Variants in ZNF148 observed in about 807,000 individuals in gnomAD.
ZNF148 encodes the protein zinc finger protein 148, also known as Beta-Enolase Repressor Factor-1.
In ZNF148, 7 loss-of-function variants were observed where a neutral mutation model predicts 67.7. That is an observed-to-expected ratio of 0.10 (90% CI 0.06 to 0.19). The LOEUF is 0.19. Ranked by LOEUF, ZNF148 falls within the 10% of genes least tolerant of loss-of-function variation. The pLI is 1.00. For missense variants in ZNF148, 583 were observed against 947.1 expected (o/e 0.62, Z 5.05); for synonymous variants, 333 against 330.7 (o/e 1.01, Z -0.08).
At chr3:125,347,838 C>A (rs1424411783) in intron 1 of ZNF148, among the ~76,000 whole-genome samples, 1 of 152,000 alleles carries the variant, frequency 6.6e-6, no homozygotes. Context: ...GCTAAGTCAA[C>A]CAATTTTTTG....
intron 7 of ZNF148, among the ~76,000 whole-genome samples, chr3:125,258,445 A>AAG (rs869187911): frequency 0.011 from 1,552 of 144,216 alleles, 20 homozygotes; most frequent in Non-Finnish European, 0.013. Flanking sequence ...AAAAAAAAAA[A>AAG]GGGGGATAGC....
chr3:125,326,735 C>A (rs1409573964), intron 2 of ZNF148, among the ~76,000 whole-genome samples: 1 of 131,282 alleles, frequency 7.6e-6, no homozygotes, highest in Admixed American at 7.4e-5. Flanking sequence ...TATAAATATA[C>A]ATATTTATAT....
intron 2 of ZNF148, among the ~76,000 whole-genome samples, chr3:125,330,465 C>CAAAAAAAAAAAAA (rs200643048): frequency 6.8e-5 from 8 of 118,478 alleles, no homozygotes; most frequent in African/African-American, 3.3e-4. Context: ...AACCCTATCT[C>CAAAAAAAAAAAAA]AAAAAAAAAA....
At chr3:125,366,637 A>G (rs1942712203) in intron 1 of ZNF148, among the ~76,000 whole-genome samples, 1 of 152,184 alleles carries the variant, frequency 6.6e-6, no homozygotes, top group African/African-American at 2.4e-5. Flanking sequence ...TTACCCACAC[A>G]CAAACATTCA....
At chr3:125,271,642 T>C (rs1373763014) in intron 7 of ZNF148, among the ~76,000 whole-genome samples, 1 of 152,204 alleles carries the variant, frequency 6.6e-6, no homozygotes, top group Non-Finnish European at 1.5e-5. Context: ...AAAACAGGAA[T>C]ACCAGTACCC....
chr3:125,261,422 T>G (rs2107573181), intron 7 of ZNF148, among the ~76,000 whole-genome samples: 1 of 152,202 alleles, frequency 6.6e-6, no homozygotes, highest in East Asian at 1.9e-4. Context: ...TAAATTTACT[T>G]ATGGCTGTAA....
At chr3:125,369,261 C>CCA (rs1360206822) in intron 1 of ZNF148, among the ~76,000 whole-genome samples, 9 of 12,894 alleles carry the variant, frequency 7.0e-4, no homozygotes, top group Non-Finnish European at 9.5e-4. Context: ...GATCCTGCCT[C>CCA]AAAAAAAAAA....
At chr3:125,265,056 A>G (rs1937505405) in intron 7 of ZNF148, among the ~76,000 whole-genome samples, 2 of 152,272 alleles carry the variant, frequency 1.3e-5, no homozygotes, top group African/African-American at 4.8e-5. Flanking sequence ...TTCCAAGAAC[A>G]GCTTTCGAAT....
intron 1 of ZNF148, chr3:125,344,312 T>C (rs1054045034): frequency 1.4e-5 from 7 of 504,694 alleles, no homozygotes; most frequent in Non-Finnish European, 2.2e-5. Flanking sequence ...CCTAGTGACC[T>C]GAATGAAACA....
intron 4 of ZNF148, among the ~76,000 whole-genome samples, chr3:125,311,856 C>T (rs1020766017): frequency 1.3e-5 from 2 of 152,028 alleles, no homozygotes; most frequent in African/African-American, 2.4e-5. Flanking sequence ...CAAAATAGAC[C>T]AATTCCTTGG....
chr3:125,307,575 G>A (rs1055926148), intron 4 of ZNF148, among the ~76,000 whole-genome samples: 6 of 152,074 alleles, frequency 3.9e-5, no homozygotes, highest in Admixed American at 6.5e-5. Context: ...AACCACTCAC[G>A]TTTTTTAAAC....
Position 125,232,324 on chromosome 3 carries a change from A to G in ZNF148, c.*17T>C. 6.6e-7 allele frequency: 1 copy of G among 1,517,324 alleles called. No homozygotes were observed. The highest frequency in any genetic ancestry group is 8.8e-7 in the Non-Finnish European group (1 of 1,133,604). The allele number at this position is 1,517,324 out of a possible 1,614,324, so 94.0% of individuals were successfully genotyped here. A position where few individuals can be genotyped will look rare whatever the true frequency, so the allele number is the denominator to read the frequency against. ...CTGTTCTAAAGTGCCAGTATTATTT[A>G]CACTTTTTTTTTTTTTTTAGCCAAA... is the stretch of plus-strand genomic sequence containing the variant. On this transcript the variant is annotated 3_prime_UTR_variant, in exon 9 of 9. Coordinates refer to ENST00000360647, the MANE Select transcript of ZNF148 (RefSeq NM_021964.3). This position sits in a 1 kb window ranked among gnomAD's most constrained non-coding sequence, Gnocchi z 4.2.
At chr3:125,371,384 G>A (rs1045849117) in intron 1 of ZNF148, among the ~76,000 whole-genome samples, 5 of 102,948 alleles carry the variant, frequency 4.9e-5, no homozygotes, top group South Asian at 3.4e-4. Context: ...GGGGGGGGGG[G>A]GGCAGGGCGA....
intron 6 of ZNF148, 131 bp downstream of exon 6, chr3:125,278,992 TG>T: frequency 1.0e-6 from 1 of 953,166 alleles, no homozygotes; most frequent in Non-Finnish European, 1.4e-6. Flanking sequence ...TCTGACATTC[TG>T]GCCTACAAAA....
At chr3:125,342,997 A>C (rs1941794534) in intron 1 of ZNF148, among the ~76,000 whole-genome samples, 1 of 152,230 alleles carries the variant, frequency 6.6e-6, no homozygotes. Context: ...ATGGAATCCT[A>C]AATAAAGGTT....
rs765213664 is a variant in ZNF148, at chr3:125,313,586, C to T, written c.55G>A (p.Glu19Lys). 1.9e-6 allele frequency: 3 copies of T among 1,614,142 alleles called. No homozygotes were observed. The highest frequency in any genetic ancestry group is 2.2e-5 in the East Asian group (1 of 44,882). Reference protein sequence around the residue: ...GLFLKCGGIDEMQSSRTMVVM... With the variant: ...GLFLKCGGIDKMQSSRTMVVM... ...ACCATTGTCCTGGAAGACTGCATTT[C>T]GTCTATGCCGCCACATTTAAGAAAC... The change falls in exon 4 of 9, where the codon GAA becomes AAA. Residue 19 changes from glutamate to lysine, a missense_variant. Coordinates refer to ENST00000360647, the MANE Select transcript of ZNF148 (RefSeq NM_021964.3).
At chr3:125,352,297 T>C (rs947301830) in intron 1 of ZNF148, among the ~76,000 whole-genome samples, 2 of 152,148 alleles carry the variant, frequency 1.3e-5, no homozygotes, top group African/African-American at 4.8e-5. Context: ...AAAAAGATCA[T>C]CTACTTTATG....
At position 125,289,498 on chromosome 3, in the gene ZNF148, TG is replaced by T. The variant is rs1938891096; in HGVS notation, c.334-1271del. On this transcript the variant is annotated intron_variant, in intron 4 of 8. Transcript: ENST00000360647. ...ACAGTGACCACTCTTCTGGCTTCGTTGGTATCAATTATTTTGACTACAAAAT... is the reference window on the plus strand; with the variant it reads ...ACAGTGACCACTCTTCTGGCTTCGTTGTATCAATTATTTTGACTACAAAAT... Among the ~76,000 whole-genome samples, 3 of 152,212 alleles carry T rather than the reference TG, an allele frequency of 2.0e-5. No homozygotes were observed. In the South Asian group the frequency reaches 6.2e-4, roughly 31 times the overall value.
intron 7 of ZNF148, among the ~76,000 whole-genome samples, chr3:125,271,869 C>T (rs1999920): frequency 0.78 from 118,370 of 152,070 alleles, 46,704 homozygotes; most frequent in African/African-American, 0.88. Context: ...GCTTGGCCTC[C>T]TGTCCAGCAT....
Sources: gnomAD v4.1 joint callset for allele counts (sites outside exome capture counted in the v4.1 genomes callset) on GRCh38, gnomAD v4.1.1 for gene constraint, Gnocchi (gnomAD v3.1) non-coding constraint, MANE v1.5 for transcripts, NCBI Gene and HGNC (gene_info 2026-07-23, HGNC 2026-07-21) for gene names.